Variants in RFX4 observed in about 807,000 individuals in gnomAD.
The protein encoded by RFX4 is transcription factor RFX4.
Under a neutral mutation model 95.0 loss-of-function variants are expected in RFX4, and 10 were observed. The ratio of observed to expected loss-of-function variants is 0.11; its 90% CI spans 0.06 to 0.18. The LOEUF (loss-of-function observed/expected upper bound fraction) is 0.18, where lower values mean the gene tolerates loss of function less well. Ranked by LOEUF, RFX4 falls within the 10% of genes least tolerant of loss-of-function variation. The probability of loss-of-function intolerance (pLI) is 1.00; values close to 1 mark genes in which losing one functional copy is unlikely to be tolerated. For synonymous variants in RFX4, 321 were observed against 340.7 expected (o/e 0.94, Z 0.64); for missense variants, 640 against 922.0 (o/e 0.69, Z 3.96).
chr12:106,692,991 T>C, intron 7 of RFX4: 1 of 255,486 alleles, frequency 3.9e-6, no homozygotes, highest in Non-Finnish European at 8.1e-6. Context: ...TTTTCCCAGG[T>C]CTTAGATTGC....
chr12:106,712,123 T>C (rs751911522), intron 10 of RFX4, among the ~76,000 whole-genome samples: 7 of 152,272 alleles, frequency 4.6e-5, no homozygotes, highest in Admixed American at 1.3e-4. Context: ...CATTAAAATA[T>C]TAATGACCTT....
intron 1 of RFX4, among the ~76,000 whole-genome samples, chr12:106,597,143 A>T (rs556614171): frequency 1.9e-4 from 29 of 152,338 alleles, no homozygotes; most frequent in African/African-American, 6.0e-4. Flanking sequence ...TTCTGGGCCA[A>T]GGGCTGTCCT....
At chr12:106,722,023 CTG>C (rs2042404937) in intron 13 of RFX4, among the ~76,000 whole-genome samples, 1 of 152,192 alleles carries the variant, frequency 6.6e-6, no homozygotes, top group Admixed American at 6.5e-5. Context: ...TTCTCTGAAC[CTG>C]CCTGCACCAT....
In RFX4 at chr12:106,614,970, T is replaced by C. The variant is rs191023542; in HGVS notation, c.130+6087T>C. On this transcript the variant is annotated intron_variant, in intron 2 of 17. Transcript: ENST00000392842. ...GCTTTTATATTCTCATAATAACTTT[T>C]ATGAACACAAGTTTTCAATTCTAAT... Among the ~76,000 whole-genome samples the C allele has an allele frequency of 3.3e-5, 5 of 152,354 alleles. No individual in the cohort carries two copies. The East Asian group carries it at 9.6e-4, about 29-fold the overall frequency.
chr12:106,675,248 T>C (rs1360955111), intron 4 of RFX4, among the ~76,000 whole-genome samples: 1 of 152,090 alleles, frequency 6.6e-6, no homozygotes, highest in Non-Finnish European at 1.5e-5. Flanking sequence ...CTGGCCAACA[T>C]GGCAAAACCC....
At chr12:106,624,752 C>T (rs1159923364) in intron 2 of RFX4, among the ~76,000 whole-genome samples, 2 of 152,158 alleles carry the variant, frequency 1.3e-5, no homozygotes, top group East Asian at 3.9e-4. Context: ...GCAGAAAAAG[C>T]TTACCAACTC....
At chr12:106,704,057 C>A in intron 8 of RFX4, among the ~76,000 whole-genome samples, 1 of 103,842 alleles carries the variant, frequency 9.6e-6, no homozygotes, top group East Asian at 3.5e-4. Context: ...CATAGCAAGA[C>A]ACTGTCTCAA....
At chr12:106,659,513 TGG>T (rs1565968297) in intron 4 of RFX4, among the ~76,000 whole-genome samples, 1 of 152,216 alleles carries the variant, frequency 6.6e-6, no homozygotes, top group Non-Finnish European at 1.5e-5. Flanking sequence ...TTTTAACAGA[TGG>T]TAGAAGTGTC....
At position 106,719,906 on chromosome 12, in the gene RFX4, C is replaced by T. The variant is rs969367216; in HGVS notation, c.1139-54C>T. On this transcript the variant is annotated intron_variant, in intron 11 of 17. Coordinates refer to ENST00000392842, the MANE Select transcript of RFX4 (RefSeq NM_213594.3). ...GTTCCTCTGTTCTTTTAAGACGTAG[C>T]TCTTGTTAAATACAACTGCAGTGAT... 5.1e-6 allele frequency: 7 copies of T among 1,364,786 alleles called. No individual in the cohort carries two copies. In the African/African-American group the frequency reaches 1.0e-4, roughly 20 times the overall value. The allele number at this position is 1,364,786 out of a possible 1,614,324, so 84.5% of individuals were successfully genotyped here.
At chr12:106,749,274 A>T (rs1245398723) in intron 16 of RFX4, among the ~76,000 whole-genome samples, 1 of 151,366 alleles carries the variant, frequency 6.6e-6, no homozygotes, top group East Asian at 1.9e-4. Flanking sequence ...AAAAAAAAAA[A>T]AAAGAGAGCT....
rs533571898 is a variant in RFX4, at chr12:106,748,715, G to A, written c.1796+1116G>A. ...TGTAATCCCAGCACTTTGGAAGGCC[G>A]AGGTGGGTGGATCACTTGTGGTCAG... is the stretch of plus-strand genomic sequence containing the variant. On this transcript the variant is annotated intron_variant, in intron 16 of 17. Coordinates refer to ENST00000392842, the MANE Select transcript of RFX4 (RefSeq NM_213594.3). 6.2e-4 allele frequency among the ~76,000 whole-genome samples: 94 copies of A among 151,608 alleles called. 1 individual carries two copies. Among genetic ancestry groups the A allele is most frequent in the African/African-American group, 1.0e-3 (43 of 41,274 alleles).
chr12:106,647,275 C>T (rs547446624), intron 3 of RFX4, among the ~76,000 whole-genome samples: 50 of 152,296 alleles, frequency 3.3e-4, no homozygotes, highest in African/African-American at 1.1e-3. Flanking sequence ...TTAGAGGCAT[C>T]ATACCTGAGT....
chr12:106,724,084 G>A (rs979961114), intron 13 of RFX4, among the ~76,000 whole-genome samples: 1 of 152,166 alleles, frequency 6.6e-6, no homozygotes, highest in African/African-American at 2.4e-5. Context: ...AACCCCGTGA[G>A]GTCTGAATTA....
intron 10 of RFX4, 90 bp from the exon 11 acceptor site, chr12:106,715,310 A>C: frequency 6.9e-7 from 1 of 1,443,558 alleles, no homozygotes; most frequent in Non-Finnish European, 9.3e-7. Flanking sequence ...AAAATACCAT[A>C]AGCAGATGCA....
chr12:106,694,931 G>T (rs1368244467), intron 7 of RFX4, among the ~76,000 whole-genome samples: 1 of 152,076 alleles, frequency 6.6e-6, no homozygotes, highest in African/African-American at 2.4e-5. Flanking sequence ...CAGCTACTCA[G>T]GAAGCTGAGA....
intron 2 of RFX4, among the ~76,000 whole-genome samples, chr12:106,616,312 T>C (rs1173444655): frequency 6.6e-6 from 1 of 152,216 alleles, no homozygotes; most frequent in Non-Finnish European, 1.5e-5. Context: ...TAAATCACAC[T>C]TGGTCAGAGT....
At chr12:106,661,582 C>T (rs1339599223) in intron 4 of RFX4, among the ~76,000 whole-genome samples, 1 of 152,178 alleles carries the variant, frequency 6.6e-6, no homozygotes, top group Non-Finnish European at 1.5e-5. Flanking sequence ...AGAATTCACT[C>T]TTGGTGAATT....
intron 15 of RFX4, among the ~76,000 whole-genome samples, chr12:106,746,261 C>A (rs892635543): frequency 6.6e-6 from 1 of 151,726 alleles, no homozygotes; most frequent in Non-Finnish European, 1.5e-5. Context: ...GAGGCTGAGG[C>A]CGGAGAATCA....
intron 1 of RFX4, chr12:106,601,343 A>C: frequency 6.3e-7 from 1 of 1,580,040 alleles, no homozygotes; most frequent in Non-Finnish European, 8.6e-7. Context: ...GCGCCGTTCC[A>C]CTGGTAATGA....
Sources: allele counts gnomAD v4.1 joint callset (sites outside exome capture counted in the v4.1 genomes callset), GRCh38; gene constraint gnomAD v4.1.1; transcripts MANE v1.5; gene names NCBI Gene and HGNC (gene_info 2026-07-23, HGNC 2026-07-21).